Variants in RABGAP1 observed in about 807,000 individuals in gnomAD.
The protein encoded by RABGAP1 is rab GTPase-activating protein 1.
A neutral mutation model predicts 137.6 loss-of-function variants in RABGAP1; 23 were observed. The ratio of observed to expected loss-of-function variants is 0.17; its 90% CI spans 0.12 to 0.24. The LOEUF (loss-of-function observed/expected upper bound fraction) is 0.24, where lower values mean the gene tolerates loss of function less well. RABGAP1 is among the 10% of genes least tolerant of loss of function. The pLI is 1.00. For missense variants in RABGAP1, 906 were observed against 1,275.8 expected, an observed-to-expected ratio of 0.71 and a Z score of 4.42; for synonymous variants, 451 against 450.7, an observed-to-expected ratio of 1.00 and a Z score of -0.01.
intron 2 of RABGAP1, among the ~76,000 whole-genome samples, chr9:122,978,147 C>G (rs1237411860): frequency 6.6e-6 from 1 of 152,138 alleles, no homozygotes; most frequent in Non-Finnish European, 1.5e-5. Flanking sequence ...TTATTACTCC[C>G]AAAAGTCCCC....
At chr9:123,034,521 G>A in intron 13 of RABGAP1, 1 of 1,246,182 alleles carries the variant, frequency 8.0e-7, no homozygotes, top group Non-Finnish European at 1.1e-6. Context: ...ACTGTTGGCA[G>A]CAGCCAAGCG....
In RABGAP1 at chr9:123,070,385, C is replaced by T. The variant is rs765748591; in HGVS notation, c.1944C>T (p.Cys648=). Reference sequence around the variant, plus strand: ...TGTATGATGAAGAGATTGGTTATTGCCAGGGCCAGTCATTTCTTGCTGCTG... The same window carrying T: ...TGTATGATGAAGAGATTGGTTATTGTCAGGGCCAGTCATTTCTTGCTGCTG... The part of the protein sequence containing the change: ...YSVYDEEIGY[C]QGQSFLAAVL... Residue 648 remains cysteine, a synonymous_variant, in exon 15 of 26, where the codon TGC becomes TGT. Coordinates refer to ENST00000373647, the MANE Select transcript of RABGAP1 (RefSeq NM_012197.4). This position sits in a 1 kb window ranked among gnomAD's most constrained non-coding sequence, Gnocchi z 4.4. 5 of 1,613,878 alleles carry T rather than the reference C, an allele frequency of 3.1e-6. No homozygotes were observed. Among genetic ancestry groups the T allele is most frequent in the African/African-American group, 1.3e-5 (1 of 74,876 alleles).
chr9:122,982,978 C>T (rs553894970), intron 2 of RABGAP1, among the ~76,000 whole-genome samples: 2 of 152,168 alleles, frequency 1.3e-5, no homozygotes, highest in Admixed American at 1.3e-4. Flanking sequence ...CAGCGATCCT[C>T]CCACCTCAGC....
intron 21 of RABGAP1, among the ~76,000 whole-genome samples, chr9:123,093,522 A>C (rs1208495336): frequency 1.3e-5 from 2 of 152,216 alleles, no homozygotes; most frequent in Non-Finnish European, 2.9e-5. Context: ...GCAGGATGTA[A>C]ACTCTGCCTC....
intron 19 of RABGAP1, among the ~76,000 whole-genome samples, chr9:123,085,081 T>G (rs2034825843): frequency 6.6e-6 from 1 of 152,228 alleles, no homozygotes; most frequent in Non-Finnish European, 1.5e-5. Context: ...GCAAGTGGCA[T>G]AGATTTTAAG....
intron 13 of RABGAP1, among the ~76,000 whole-genome samples, chr9:123,047,797 T>A (rs1035794664): frequency 2.6e-5 from 4 of 151,996 alleles, no homozygotes; most frequent in Non-Finnish European, 5.9e-5. Flanking sequence ...GAATTCTTAA[T>A]GCAGTGCAGC....
chr9:122,952,482 A>G (rs767628937), intron 1 of RABGAP1, among the ~76,000 whole-genome samples: 13 of 151,792 alleles, frequency 8.6e-5, no homozygotes, highest in Admixed American at 6.6e-4. Context: ...GTTAGCCAGG[A>G]TGGTCTTGAT....
intron 23 of RABGAP1, 81 bp from the exon 24 acceptor site, chr9:123,099,397 C>A: frequency 3.0e-6 from 4 of 1,314,486 alleles, no homozygotes; most frequent in Middle Eastern, 2.3e-4. Context: ...TTCCAATTTA[C>A]ATATTCCAGC....
At chr9:123,026,021 TTTG>T (rs1182698871) in intron 13 of RABGAP1, among the ~76,000 whole-genome samples, 2 of 151,554 alleles carry the variant, frequency 1.3e-5, no homozygotes, top group Non-Finnish European at 1.5e-5. Flanking sequence ...TTTTTTTTTT[TTTG>T]GTAAACAGTT....
chr9:122,980,229 C>G (rs1835973273), intron 2 of RABGAP1, among the ~76,000 whole-genome samples: 1 of 152,184 alleles, frequency 6.6e-6, no homozygotes, highest in South Asian at 2.1e-4. Flanking sequence ...GAAAATGTTT[C>G]TTAACTTCTG....
At chr9:122,960,916 A>G (rs1366074263) in intron 2 of RABGAP1, among the ~76,000 whole-genome samples, 1 of 152,224 alleles carries the variant, frequency 6.6e-6, no homozygotes, top group Non-Finnish European at 1.5e-5. Context: ...ACAACAGTAC[A>G]TTTCAACTGG....
At chr9:122,934,065 CCTTTTCTTTT>C in the RABGAP1 span, among the ~76,000 whole-genome samples, 4 of 151,158 alleles carry the variant, frequency 2.6e-5, no homozygotes, top group African/African-American at 9.8e-5. Flanking sequence ...CTTTTCCTAA[CCTTTTCTTTT>C]CTTTTCTTTT....
At chr9:123,059,778 C>T (rs1423738801) in intron 13 of RABGAP1, among the ~76,000 whole-genome samples, 1 of 152,204 alleles carries the variant, frequency 6.6e-6, no homozygotes, top group Non-Finnish European at 1.5e-5. Context: ...TCACCAAACA[C>T]TGAATTTTCC....
chr9:123,053,716 C>T (rs1241035484), intron 13 of RABGAP1, among the ~76,000 whole-genome samples: 1 of 152,132 alleles, frequency 6.6e-6, no homozygotes, highest in Non-Finnish European at 1.5e-5. Flanking sequence ...CTGTAACATT[C>T]TGGATTAATC....
chr9:123,035,202 C>T, intron 13 of RABGAP1: 1 of 1,614,152 alleles, frequency 6.2e-7, no homozygotes, highest in Non-Finnish European at 8.5e-7. Context: ...TCACCTATTT[C>T]AACATCTTCC....
At chr9:123,046,016 G>C (rs933363621) in intron 13 of RABGAP1, among the ~76,000 whole-genome samples, 1 of 152,154 alleles carries the variant, frequency 6.6e-6, no homozygotes, top group Non-Finnish European at 1.5e-5. Context: ...AAAGGCCTTG[G>C]GTGAATGTGG....
intron 7 of RABGAP1, 46 bp from the exon 8 acceptor site, chr9:122,996,493 T>C (rs148917603): frequency 8.5e-6 from 13 of 1,529,094 alleles, no homozygotes; most frequent in Middle Eastern, 3.6e-4. Flanking sequence ...AAACGTTCTT[T>C]TGTGTTATCT....
intron 11 of RABGAP1, among the ~76,000 whole-genome samples, chr9:123,012,420 C>G (rs2030883893): frequency 6.6e-6 from 1 of 152,156 alleles, no homozygotes; most frequent in South Asian, 2.1e-4. Flanking sequence ...ATTATGAAAC[C>G]AGAGAATGCT....
intron 1 of RABGAP1, among the ~76,000 whole-genome samples, chr9:122,945,146 G>GATTTTTTTTTTTTTTTTT (rs1564348056): frequency 1.1e-4 from 1 of 9,182 alleles, no homozygotes; most frequent in Non-Finnish European, 6.4e-4. Context: ...CATAGCTGTT[G>GATTTTTTTTTTTTTTTTT]CTTTTTTTTT....
Sources: gnomAD v4.1 joint callset for allele counts (sites outside exome capture counted in the v4.1 genomes callset) on GRCh38, gnomAD v4.1.1 for gene constraint, Gnocchi (gnomAD v3.1) non-coding constraint, MANE v1.5 for transcripts, NCBI Gene and HGNC (gene_info 2026-07-23, HGNC 2026-07-21) for gene names.